The following EPHA6 variants were observed in gnomAD, a reference collection of about 807,000 sequenced individuals.
EPHA6 encodes the protein EPH receptor A6.
A neutral mutation model predicts 112.0 loss-of-function variants in EPHA6; 50 were observed. The observed-to-expected ratio is 0.45, with a 90% CI of 0.36 to 0.56. The LOEUF (loss-of-function observed/expected upper bound fraction) is 0.56. Ranked by LOEUF, EPHA6 falls within the 20% of genes least tolerant of loss-of-function variation. EPHA6 has a pLI of 0.00. For synonymous variants in EPHA6, 529 were observed against 490.7 expected, an observed-to-expected ratio of 1.08 and a Z score of -1.03; for missense variants, 1,280 against 1,417.4, an observed-to-expected ratio of 0.90 and a Z score of 1.56.
chr3:97,728,487 G>A (rs1017477734), intron 15 of EPHA6, among the ~76,000 whole-genome samples: 3 of 152,052 alleles, frequency 2.0e-5, no homozygotes, highest in Non-Finnish European at 1.5e-5. Context: ...CTGTATTTTT[G>A]TCTCAGTATA....
intron 6 of EPHA6, among the ~76,000 whole-genome samples, chr3:97,439,416 C>T (rs1019137047): frequency 2.6e-5 from 4 of 152,130 alleles, no homozygotes; most frequent in African/African-American, 9.7e-5. Flanking sequence ...CTAAGAAAAA[C>T]ATTTTAGAGC....
chr3:97,119,528 G>A (rs1054989539), intron 3 of EPHA6, among the ~76,000 whole-genome samples: 1 of 151,870 alleles, frequency 6.6e-6, no homozygotes, highest in Non-Finnish European at 1.5e-5. Context: ...CAAAGCCGCA[G>A]AAACTTCAGG....
At chr3:97,196,283 A>G (rs544193538) in intron 3 of EPHA6, among the ~76,000 whole-genome samples, 5 of 151,820 alleles carry the variant, frequency 3.3e-5, no homozygotes, top group African/African-American at 9.7e-5. Context: ...ACATTCTTCA[A>G]TATTTCAACT....
chr3:96,875,686 T>C (rs1175734239), intron 2 of EPHA6, among the ~76,000 whole-genome samples: 6 of 152,036 alleles, frequency 3.9e-5, no homozygotes, highest in African/African-American at 1.4e-4. Flanking sequence ...CTTTAATGAA[T>C]AGCCATGATG....
chr3:97,542,247 C>T (rs1047084250), intron 11 of EPHA6, among the ~76,000 whole-genome samples: 10 of 152,080 alleles, frequency 6.6e-5, no homozygotes, highest in East Asian at 1.9e-4. Context: ...CCCCTCTCCC[C>T]GCACCCCACT....
At chr3:96,853,132 G>A (rs1051099247) in intron 1 of EPHA6, among the ~76,000 whole-genome samples, 1 of 151,956 alleles carries the variant, frequency 6.6e-6, no homozygotes. Context: ...CTCCTCTAAG[G>A]CATAAAGGCA....
At chr3:97,226,593 C>G (rs912227461) in intron 4 of EPHA6, among the ~76,000 whole-genome samples, 174 bp downstream of exon 4, 25 of 152,178 alleles carry the variant, frequency 1.6e-4, no homozygotes, top group Admixed American at 4.6e-4. Context: ...CTTTTCAACT[C>G]TTTGTAAAGA....
intron 14 of EPHA6, among the ~76,000 whole-genome samples, chr3:97,642,419 A>C (rs2094016634): frequency 6.9e-6 from 1 of 144,944 alleles, no homozygotes; most frequent in Admixed American, 6.9e-5. Flanking sequence ...CCTCACCAGC[A>C]ACGGAACAAA....
chr3:97,745,468 T>C (rs2107895602), intron 16 of EPHA6: 1 of 422,650 alleles, frequency 2.4e-6, no homozygotes, highest in African/African-American at 2.1e-5. Context: ...AGCCTCCAAA[T>C]AGGAAATGCA....
chr3:97,640,191 A>G (rs1297900322), intron 14 of EPHA6, among the ~76,000 whole-genome samples: 1 of 152,220 alleles, frequency 6.6e-6, no homozygotes, highest in Non-Finnish European at 1.5e-5. Flanking sequence ...AAAAGTCAAA[A>G]TGTGAACCAA....
chr3:97,010,875 G>A (rs1381415107), intron 3 of EPHA6, among the ~76,000 whole-genome samples: 1 of 152,108 alleles, frequency 6.6e-6, no homozygotes, highest in Non-Finnish European at 1.5e-5. Context: ...TTTCAATAGA[G>A]GATTTCATAT....
chr3:97,249,208 T>G (rs1446021722), intron 5 of EPHA6, among the ~76,000 whole-genome samples: 1 of 152,128 alleles, frequency 6.6e-6, no homozygotes, highest in Admixed American at 6.5e-5. Context: ...TTCTTATACA[T>G]AGGCAAATTA....
In EPHA6 at chr3:96,968,969, G is replaced by A. The variant is rs572318166; in HGVS notation, c.451-18361G>A. ...CATAAATGCATATGGTTCTTTATAA[G>A]CAGTTTTACAGAAATAATATAGTAA... is the stretch of plus-strand genomic sequence containing the variant. On this transcript the variant is annotated intron_variant, in intron 2 of 17. Transcript: ENST00000389672. Among the ~76,000 whole-genome samples the A allele has an allele frequency of 2.4e-4, 36 of 151,928 alleles. 1 individual carries two copies. Among genetic ancestry groups the A allele is most frequent in the African/African-American group, 6.3e-4 (26 of 41,514 alleles).
intron 2 of EPHA6, among the ~76,000 whole-genome samples, chr3:96,970,999 T>TGG (rs2042297930): frequency 6.6e-6 from 1 of 152,086 alleles, no homozygotes; most frequent in African/African-American, 2.4e-5. Flanking sequence ...TTGTTGAACA[T>TGG]AAGACAGGGT....
At chr3:97,403,506 G>A (rs935791324) in intron 5 of EPHA6, among the ~76,000 whole-genome samples, 22 of 152,278 alleles carry the variant, frequency 1.4e-4, no homozygotes, top group African/African-American at 5.3e-4. Flanking sequence ...GAATGCAGTG[G>A]CACTCTCTCC....
intron 5 of EPHA6, among the ~76,000 whole-genome samples, chr3:97,329,780 T>C (rs2082688181): frequency 6.6e-6 from 1 of 152,194 alleles, no homozygotes; most frequent in African/African-American, 2.4e-5. Flanking sequence ...CTGTTCACTC[T>C]GATGGTGGTT....
In EPHA6 at chr3:97,508,137, G is replaced by T. The variant is rs190229224; in HGVS notation, c.2200+24078G>T. Among the ~76,000 whole-genome samples, 319 of 151,068 alleles carry T rather than the reference G, an allele frequency of 2.1e-3. 2 individuals are homozygous for T. The highest frequency in any genetic ancestry group is 7.2e-3 in the African/African-American group (298 of 41,106). On this transcript the variant is annotated intron_variant, in intron 10 of 17. Coordinates refer to ENST00000389672, the MANE Select transcript of EPHA6 (RefSeq NM_001080448.3). ...CCCCTGGATTCATTGATTTTTTTTT[G>T]AAGTATTTTTTGTGTCTCTATCTCC...
chr3:97,175,380 G>A (rs1241033448), intron 3 of EPHA6, among the ~76,000 whole-genome samples: 1 of 151,676 alleles, frequency 6.6e-6, no homozygotes, highest in Non-Finnish European at 1.5e-5. Context: ...AGATTTTCTG[G>A]GTCTTTTGAG....
intron 14 of EPHA6, among the ~76,000 whole-genome samples, chr3:97,694,361 C>T (rs1012693521): frequency 2.6e-5 from 4 of 151,934 alleles, no homozygotes; most frequent in Admixed American, 6.6e-5. Flanking sequence ...CTCAGCCTCC[C>T]GAGTAGCTGA....
Sources: allele counts gnomAD v4.1 joint callset (sites outside exome capture counted in the v4.1 genomes callset), GRCh38; gene constraint gnomAD v4.1.1; transcripts MANE v1.5; gene names NCBI Gene and HGNC (gene_info 2026-07-23, HGNC 2026-07-21).